Variants in PIK3C2A observed in about 807,000 individuals in gnomAD.
The protein encoded by PIK3C2A is phosphatidylinositol 4-phosphate 3-kinase C2 domain-containing subunit alpha.
In PIK3C2A, 97 loss-of-function variants were observed where a neutral mutation model predicts 204.5. The observed-to-expected ratio is 0.47, with a 90% CI of 0.40 to 0.56. The LOEUF (loss-of-function observed/expected upper bound fraction) is 0.56. Among genes scored for constraint, PIK3C2A ranks in the 20% least tolerant of loss-of-function variants. The pLI is 0.00. For missense variants in PIK3C2A, 1,735 were observed against 1,969.2 expected (o/e 0.88, Z 2.25); for synonymous variants, 653 against 664.4 (o/e 0.98, Z 0.26).
chr11:17,128,124 T>C (rs1252347737), intron 13 of PIK3C2A, among the ~76,000 whole-genome samples: 3 of 152,218 alleles, frequency 2.0e-5, no homozygotes, highest in African/African-American at 7.2e-5. Flanking sequence ...GATGAATACC[T>C]AGCACATAGT....
intron 23 of PIK3C2A, among the ~76,000 whole-genome samples, chr11:17,104,264 T>C (rs1028798589): frequency 6.6e-6 from 1 of 152,184 alleles, no homozygotes; most frequent in African/African-American, 2.4e-5. Context: ...TTTCCAGTAA[T>C]AAGAGCTATC....
chr11:17,145,044 T>C (rs545613767), intron 8 of PIK3C2A, among the ~76,000 whole-genome samples: 5 of 152,256 alleles, frequency 3.3e-5, no homozygotes, highest in South Asian at 2.1e-4. Flanking sequence ...TGTACCTCCA[T>C]TGTATCCAGG....
chr11:17,098,125 TA>T (rs1443275002), intron 26 of PIK3C2A, among the ~76,000 whole-genome samples: 1 of 152,054 alleles, frequency 6.6e-6, no homozygotes, highest in South Asian at 2.1e-4. Context: ...GAAACAAGGT[TA>T]AGGAAGCTAG....
chr11:17,169,394 T>A lies in PIK3C2A; in HGVS notation c.348A>T (p.Val116=). 2 of 1,614,144 alleles carry A rather than the reference T, an allele frequency of 1.2e-6. No individual in the cohort carries two copies. Among genetic ancestry groups the A allele is most frequent in the Non-Finnish European group, 1.7e-6 (2 of 1,179,998 alleles). ...DDSFETKKTP[V]LPVTPILSPS... is the part of the protein sequence containing the mutation. ...GGCTCAGAATAGGAGTAACTGGTAA[T>A]ACAGGTGTTTTTTTAGTCTCGAAAC... Residue 116 remains valine, a synonymous_variant, in exon 2 of 33, where the codon GTA becomes GTT. Transcript: ENST00000691414.
chr11:17,193,894 A>AAAGAC, intron 1 of PIK3C2A: 1 of 195,742 alleles, frequency 5.1e-6, no homozygotes, highest in African/African-American at 2.9e-5. Flanking sequence ...AAAGAAAAGA[A>AAAGAC]AAGAAAAGAA....
At chr11:17,146,076 C>A in intron 6 of PIK3C2A, 134 bp from the exon 7 acceptor site, 1 of 591,826 alleles carries the variant, frequency 1.7e-6, no homozygotes, top group Non-Finnish European at 2.9e-6. Flanking sequence ...AAAATTCTAT[C>A]AGAATTAAAT....
chr11:17,145,224 A>T (rs934924594), intron 8 of PIK3C2A, among the ~76,000 whole-genome samples: 44 of 152,296 alleles, frequency 2.9e-4, no homozygotes, highest in African/African-American at 1.0e-3. Flanking sequence ...CATGACATTT[A>T]GGAGGGGCCA....
chr11:17,201,549 AAG>A (rs1393177030), intron 1 of PIK3C2A, among the ~76,000 whole-genome samples: 7 of 116,254 alleles, frequency 6.0e-5, no homozygotes, highest in Non-Finnish European at 9.9e-5. Flanking sequence ...AAAAAGAAAA[AAG>A]AAAAAAAAAA....
chr11:17,135,109 A>G lies in PIK3C2A; in HGVS notation c.1897+2T>C, dbSNP rs767947525. ...CTAAAATTTAAAGATTTAAACACATACCCCTAGTTGAACTCCTGCTAGTGT... is the reference window on the plus strand; with the variant it reads ...CTAAAATTTAAAGATTTAAACACATGCCCCTAGTTGAACTCCTGCTAGTGT... On this transcript the variant is annotated splice_donor_variant, in intron 10 of 32. Coordinates refer to ENST00000691414, the MANE Select transcript of PIK3C2A (RefSeq NM_002645.4). LOFTEE classifies it high-confidence loss of function. 6.2e-7 allele frequency: 1 copy of G among 1,613,810 alleles called. No individual in the cohort carries two copies. The highest frequency in any genetic ancestry group is 8.5e-7 in the Non-Finnish European group (1 of 1,179,792).
At chr11:17,110,310 T>G (rs954028108) in intron 22 of PIK3C2A, 122 bp downstream of exon 22, 1 of 679,710 alleles carries the variant, frequency 1.5e-6, no homozygotes, top group African/African-American at 1.8e-5. Flanking sequence ...AAAGTAACAC[T>G]GGATTAAAAT....
At chr11:17,104,681 C>T (rs979109655) in intron 23 of PIK3C2A, among the ~76,000 whole-genome samples, 8 of 146,868 alleles carry the variant, frequency 5.4e-5, no homozygotes, top group African/African-American at 1.0e-4. Context: ...GCCGAGATAG[C>T]GCCACTGCAC....
intron 2 of PIK3C2A, 91 bp from the exon 3 acceptor site, chr11:17,155,720 T>C: frequency 3.0e-6 from 2 of 657,006 alleles, no homozygotes; most frequent in East Asian, 2.7e-5. Context: ...TATGAAAATA[T>C]GTACAAAGCA....
chr11:17,093,359 T>C (rs1426929933), intron 28 of PIK3C2A, among the ~76,000 whole-genome samples: 1 of 152,190 alleles, frequency 6.6e-6, no homozygotes, highest in Non-Finnish European at 1.5e-5. Context: ...CTCCACCTTC[T>C]GGGTTCACGC....
At chr11:17,139,905 T>C (rs949466848) in intron 8 of PIK3C2A, among the ~76,000 whole-genome samples, 5 of 152,172 alleles carry the variant, frequency 3.3e-5, no homozygotes, top group African/African-American at 1.2e-4. Context: ...GAAAATCTTA[T>C]AGATTCAACA....
chr11:17,095,504 T>C (rs1250625806), intron 27 of PIK3C2A, among the ~76,000 whole-genome samples: 2 of 148,366 alleles, frequency 1.3e-5, no homozygotes, highest in African/African-American at 2.5e-5. Flanking sequence ...GGCAGGAGAA[T>C]GGCGTGAACC....
chr11:17,157,540 T>A (rs1850637983), intron 2 of PIK3C2A, among the ~76,000 whole-genome samples: 1 of 151,982 alleles, frequency 6.6e-6, no homozygotes, highest in African/African-American at 2.4e-5. Flanking sequence ...AGCTGACAGA[T>A]TAATACTGTG....
intron 4 of PIK3C2A, 49 bp from the exon 5 acceptor site, chr11:17,148,836 C>A: frequency 6.7e-7 from 1 of 1,488,552 alleles, no homozygotes; most frequent in South Asian, 1.2e-5. Context: ...TATATTTATT[C>A]AAGACTGTAT....
intron 22 of PIK3C2A, among the ~76,000 whole-genome samples, chr11:17,105,874 C>T (rs760291943): frequency 6.6e-6 from 1 of 151,926 alleles, no homozygotes; most frequent in Admixed American, 6.6e-5. Context: ...TCTGGGAGGC[C>T]GAGGTGGGTG....
intron 13 of PIK3C2A, among the ~76,000 whole-genome samples, chr11:17,128,097 T>C (rs1212505188): frequency 6.6e-6 from 1 of 152,220 alleles, no homozygotes; most frequent in African/African-American, 2.4e-5. Flanking sequence ...AATATAAGGA[T>C]ACCTATGTAG....
Sources: allele counts gnomAD v4.1 joint callset (sites outside exome capture counted in the v4.1 genomes callset), GRCh38; gene constraint gnomAD v4.1.1; transcripts MANE v1.5; gene names NCBI Gene and HGNC (gene_info 2026-07-23, HGNC 2026-07-21).